Variants in SPDYE16 observed in about 807,000 individuals in gnomAD.
SPDYE16 encodes speedy protein E16.
A neutral mutation model predicts 40.1 loss-of-function variants in SPDYE16; 5 were observed. That is an observed-to-expected ratio of 0.12 (90% CI 0.07 to 0.26). The LOEUF (loss-of-function observed/expected upper bound fraction) is 0.26, where lower values mean the gene tolerates loss of function less well. SPDYE16 is among the 10% of genes least tolerant of loss of function. The pLI, the probability that SPDYE16 is intolerant of heterozygous loss-of-function variation, is 1.00. For synonymous variants in SPDYE16, 40 were observed against 154.2 expected (o/e 0.26, Z 5.49); for missense variants, 98 against 409.8 (o/e 0.24, Z 6.57).
intron 1 of SPDYE16, among the ~76,000 whole-genome samples, 125 bp from the exon 2 acceptor site, chr7:76,542,005 A>ATCACGTG (rs1813199943): frequency 8.6e-6 from 1 of 116,706 alleles, no homozygotes; most frequent in Non-Finnish European, 2.1e-5. Flanking sequence ...ATTATCATGT[A>ATCACGTG]CAAGAGTGAG....
In SPDYE16 at chr7:76,541,438, A is replaced by G. The variant is rs1412348849; in HGVS notation, c.22T>C (p.Phe8Leu). ...CCCTTAATCTGTCCCCTCTTACGGA[A>G]CCTAGTCTCCGTTCTGTCCATGGCC... is the stretch of plus-strand genomic sequence containing the variant. Reference protein sequence around the residue: MDRTETRFRKRGQIKGKI... With the variant: MDRTETRLRKRGQIKGKI... The change falls in exon 2 of 9, where the codon TTC (phenylalanine) becomes CTC (leucine). Residue 8 changes from phenylalanine to leucine, a missense_variant. Coordinates refer to ENST00000633306, the MANE Select transcript of SPDYE16 (RefSeq NM_001394943.1). 14 of 1,534,498 alleles carry G rather than the reference A, an allele frequency of 9.1e-6. No individual in the cohort carries two copies. Among genetic ancestry groups the G allele is most frequent in the Non-Finnish European group, 1.2e-5 (14 of 1,146,628 alleles).
intron 3 of SPDYE16, 62 bp downstream of exon 3, chr7:76,540,066 T>C: frequency 6.9e-7 from 1 of 1,442,382 alleles, no homozygotes; most frequent in Non-Finnish European, 9.2e-7. Flanking sequence ...AGTGTGGTTA[T>C]TGGAAGTTTC....
intron 2 of SPDYE16, among the ~76,000 whole-genome samples, 190 bp downstream of exon 2, chr7:76,541,110 A>C (rs1486434230): frequency 6.5e-5 from 8 of 123,650 alleles, no homozygotes; most frequent in Non-Finnish European, 1.3e-4. Flanking sequence ...CACTTGACTA[A>C]TTTTTATACT....
In SPDYE16 at chr7:76,535,475, G is replaced by A. The variant is rs1366576223; in HGVS notation, c.755+697C>T. 2.6e-5 allele frequency among the ~76,000 whole-genome samples: 2 copies of A among 77,818 alleles called. 1 individual carries two copies. The highest frequency in any genetic ancestry group is 5.0e-5 in the Non-Finnish European group (2 of 40,400). The allele number at this position is 77,818 out of a possible 152,430, so 51.1% of individuals were successfully genotyped here. ...ACAGTGGATTCAAGTGATGCGAGGG[G>A]GACCTGAACTGTGGCCTCTGTCATG... On this transcript the variant is annotated intron_variant, in intron 6 of 8. Coordinates refer to ENST00000633306, the MANE Select transcript of SPDYE16 (RefSeq NM_001394943.1).
Position 76,532,267 on chromosome 7 carries a change from A to G in SPDYE16, c.*573T>C, listed in dbSNP as rs74789623. The G allele has an allele frequency of 2.4e-5, 2 of 84,924 alleles. 1 individual carries two copies. The highest frequency in any genetic ancestry group is 4.5e-5 in the Non-Finnish European group (2 of 44,246). 5.3% of individuals were successfully genotyped at this position (84,924 alleles called of 1,614,324 possible). A position where few individuals can be genotyped will look rare whatever the true frequency, so the allele number is the denominator to read the frequency against. On this transcript the variant is annotated 3_prime_UTR_variant, in exon 9 of 9. Coordinates refer to ENST00000633306, the MANE Select transcript of SPDYE16 (RefSeq NM_001394943.1). The stretch of plus-strand genomic sequence containing the variant: ...ACTACAGGAACAGCATGTTTTCAAA[A>G]GTACAACAATTTCCAAACTATTTGA...
At chr7:76,539,790 G>A (rs1192011195) in intron 3 of SPDYE16, among the ~76,000 whole-genome samples, 2 of 113,258 alleles carry the variant, frequency 1.8e-5, no homozygotes, top group Non-Finnish European at 3.5e-5. Context: ...ACCCAGGCTG[G>A]AGTGCAGTGG....
At position 76,541,428 on chromosome 7, in the gene SPDYE16, C is replaced by G; in HGVS notation, c.32G>C (p.Arg11Thr). 6.5e-7 allele frequency: 1 copy of G among 1,534,782 alleles called. No homozygotes were observed. Among genetic ancestry groups the G allele is most frequent in the Non-Finnish European group, 8.7e-7 (1 of 1,146,648 alleles). MDRTETRFRK[R>T]GQIKGKITTS... ...CGTGATCTTTCCCTTAATCTGTCCC[C>G]TCTTACGGAACCTAGTCTCCGTTCT... The change falls in exon 2 of 9, where the codon AGG becomes ACG. Residue 11 changes from arginine to threonine, a missense_variant. Coordinates refer to ENST00000633306, the MANE Select transcript of SPDYE16 (RefSeq NM_001394943.1).
At chr7:76,539,032 A>T in intron 3 of SPDYE16, among the ~76,000 whole-genome samples, 1 of 66,370 alleles carries the variant, frequency 1.5e-5, no homozygotes, top group Non-Finnish European at 2.8e-5. Context: ...ACACTTCCTC[A>T]TATCCTTCCC....
intron 7 of SPDYE16, 44 bp from the exon 8 acceptor site, chr7:76,533,797 A>T: frequency 9.3e-7 from 1 of 1,074,780 alleles, no homozygotes; most frequent in Non-Finnish European, 1.3e-6. Flanking sequence ...ACTCGCCAGG[A>T]TACCCCTCTC....
chr7:76,539,297 C>T (rs1486465377), intron 3 of SPDYE16, among the ~76,000 whole-genome samples: 15 of 92,724 alleles, frequency 1.6e-4, no homozygotes, highest in African/African-American at 7.5e-4. Context: ...AGGCTGGTCT[C>T]CAACTCCTGG....
intron 1 of SPDYE16, among the ~76,000 whole-genome samples, chr7:76,542,632 AAAACC>A (rs1813226204): frequency 6.8e-6 from 1 of 146,312 alleles, no homozygotes; most frequent in African/African-American, 2.5e-5. Context: ...CATCTCTAAA[AAAACC>A]AAACCAAACC....
intron 1 of SPDYE16, among the ~76,000 whole-genome samples, 143 bp from the exon 2 acceptor site, chr7:76,542,023 T>C (rs867775377): frequency 0.015 from 1,597 of 103,870 alleles, 2 homozygotes; most frequent in African/African-American, 0.049. Context: ...GAGATTATCA[T>C]GTACAAGAGT....
intron 8 of SPDYE16, chr7:76,533,389 G>C (rs1315586125): frequency 3.0e-6 from 2 of 666,370 alleles, no homozygotes; most frequent in African/African-American, 5.1e-5. Flanking sequence ...TCACTCTGTC[G>C]CCCAGACTGG....
chr7:76,536,627 A>G (rs1308527318), intron 5 of SPDYE16, among the ~76,000 whole-genome samples: 1 of 109,194 alleles, frequency 9.2e-6, no homozygotes, highest in Non-Finnish European at 1.9e-5. Context: ...TGTGGCCCAG[A>G]GCTCAGATCC....
At chr7:76,542,046 TA>T (rs1253303914) in intron 1 of SPDYE16, among the ~76,000 whole-genome samples, 166 bp from the exon 2 acceptor site, 1 of 151,298 alleles carries the variant, frequency 6.6e-6, no homozygotes, top group Non-Finnish European at 1.5e-5. Context: ...GATTATCATG[TA>T]CAAGAGTGAG....
chr7:76,540,925 C>G (rs1813162050), intron 2 of SPDYE16, among the ~76,000 whole-genome samples: 1 of 145,760 alleles, frequency 6.9e-6, no homozygotes, highest in African/African-American at 2.7e-5. Context: ...CCCACACACC[C>G]TCCTCAGGTT....
chr7:76,542,116 G>GTGAGATT (rs777822515), intron 1 of SPDYE16, among the ~76,000 whole-genome samples: 1 of 152,006 alleles, frequency 6.6e-6, no homozygotes, highest in Non-Finnish European at 1.5e-5. Context: ...ATGTACAAGA[G>GTGAGATT]ATCCCAGGAA....
chr7:76,542,209 G>A (rs1248877653), intron 1 of SPDYE16, among the ~76,000 whole-genome samples: 2 of 149,814 alleles, frequency 1.3e-5, no homozygotes, highest in Non-Finnish European at 3.0e-5. Flanking sequence ...TTCACTGTCC[G>A]AGATTCTATA....
intron 6 of SPDYE16, 150 bp from the exon 7 acceptor site, chr7:76,534,269 C>T: frequency 3.8e-6 from 2 of 527,342 alleles, no homozygotes; most frequent in Non-Finnish European, 6.4e-6. Flanking sequence ...CAGGAGGGCT[C>T]TGCTGGACAG....
Sources: gnomAD v4.1 joint callset for allele counts (sites outside exome capture counted in the v4.1 genomes callset) on GRCh38, gnomAD v4.1.1 for gene constraint, MANE v1.5 for transcripts, NCBI Gene and HGNC (gene_info 2026-07-23, HGNC 2026-07-21) for gene names.